GMIP: variants seen among roughly 807,000 people sequenced by gnomAD.
The protein encoded by GMIP is GEM-interacting protein.
Under a neutral mutation model 105.3 loss-of-function variants are expected in GMIP, and 54 were observed. That is an observed-to-expected ratio of 0.51 (90% CI 0.41 to 0.64). The LOEUF is 0.64. GMIP is among the 30% of genes least tolerant of loss of function. The pLI, the probability that GMIP is intolerant of heterozygous loss-of-function variation, is 0.00. For synonymous variants in GMIP, 541 were observed against 560.8 expected (o/e 0.96, Z 0.50); for missense variants, 1,110 against 1,319.4 (o/e 0.84, Z 2.46).
rs1235711124 is a variant in GMIP at position 19,633,918 on chromosome 19, G to A, written c.2357C>T (p.Pro786Leu). Reference sequence around the variant, plus strand: ...GTCTGGGTCAAGGTGCGGGGGTGGCGGTTGGGAGCTGGTTGTGAGGGGCCC... The same window carrying A: ...GTCTGGGTCAAGGTGCGGGGGTGGCAGTTGGGAGCTGGTTGTGAGGGGCCC... The part of the protein sequence containing the change: ...APGPLTTSSQ[P>L]PPPHLDPDSQ... Residue 786 changes from proline (P) to leucine (L), a missense_variant, in exon 19 of 21, where the codon CCG (proline) becomes CTG (leucine). Around this residue, in one of 3 missense-constraint regions of GMIP, gnomAD observed 394 missense variants for 450.5 expected, o/e 0.87. Coordinates refer to ENST00000203556, the MANE Select transcript of GMIP (RefSeq NM_016573.4). The A allele has an allele frequency of 1.5e-5, 23 of 1,542,004 alleles. No individual in the cohort carries two copies. Among genetic ancestry groups the A allele is most frequent in the East Asian group, 4.6e-5 (2 of 43,696 alleles).
intron 13 of GMIP, among the ~76,000 whole-genome samples, 197 bp downstream of exon 13, chr19:19,636,510 G>A (rs183526968): frequency 1.8e-4 from 28 of 152,296 alleles, no homozygotes; most frequent in African/African-American, 6.5e-4. Context: ...GCGACAGAAT[G>A]AGACTGTCTC....
intron 4 of GMIP, among the ~76,000 whole-genome samples, chr19:19,641,194 C>T (rs1464112042): frequency 6.6e-6 from 1 of 152,200 alleles, no homozygotes; most frequent in Non-Finnish European, 1.5e-5. Flanking sequence ...CATTCTCCTG[C>T]CTCAGCCTCC....
Position 19,635,816 on chromosome 19 carries a change from AGAGGTCAGGAGGGGG to A in GMIP, c.1328-110_1328-96del. On this transcript the variant is annotated intron_variant, in intron 13 of 20. Coordinates refer to ENST00000203556, the MANE Select transcript of GMIP (RefSeq NM_016573.4). The surrounding 1 kb of genome is among the most constrained non-coding windows in gnomAD (Gnocchi z 4.7). ...ACCACCCACTAATTCCCAAGGGGTC[AGAGGTCAGGAGGGGG>A]ATTGGACAGGTCAGTGGTTAAGGGT... 1.0e-6 allele frequency: 1 copy of A among 989,592 alleles called. No individual in the cohort carries two copies. Among genetic ancestry groups the A allele is most frequent in the Non-Finnish European group, 1.6e-6 (1 of 622,374 alleles). 61.3% of individuals were successfully genotyped at this position (989,592 alleles called of 1,614,324 possible). A position where few individuals can be genotyped will look rare whatever the true frequency, so the allele number is the denominator to read the frequency against.
intron 12 of GMIP, 54 bp from the exon 13 acceptor site, chr19:19,636,850 C>T: frequency 1.3e-6 from 2 of 1,563,298 alleles, no homozygotes; most frequent in Non-Finnish European, 8.8e-7. Flanking sequence ...CCCACTCCTG[C>T]AGCCCACCTA....
In GMIP at chr19:19,637,336, G is replaced by A. The variant is rs201582978; in HGVS notation, c.1124+29C>T. On this transcript the variant is annotated intron_variant, in intron 11 of 20. Transcript: ENST00000203556. This position sits in a 1 kb window ranked among gnomAD's most constrained non-coding sequence, Gnocchi z 6.7. ...GCCTGGCATCGCGATTCCGGGGCTC[G>A]TTCCCGACTCCCTGCTCCAGTGACC... 15 of 1,427,816 alleles carry A rather than the reference G, an allele frequency of 1.1e-5. No homozygotes were observed. The highest frequency in any genetic ancestry group is 1.3e-5 in the Non-Finnish European group (14 of 1,066,384). The allele number at this position is 1,427,816 out of a possible 1,614,324, so 88.4% of individuals were successfully genotyped here.
At chr19:19,632,458 C>T (rs762771632) in intron 19 of GMIP, among the ~76,000 whole-genome samples, 2 of 151,726 alleles carry the variant, frequency 1.3e-5, no homozygotes, top group Admixed American at 6.6e-5. Flanking sequence ...TGCTTGAACC[C>T]GGGAGGCGGA....
chr19:19,635,069 T>G lies in GMIP; in HGVS notation c.1705A>C (p.Thr569Pro), dbSNP rs767951734. 1.2e-6 allele frequency: 2 copies of G among 1,614,058 alleles called. No homozygotes were observed. Among genetic ancestry groups the G allele is most frequent in the East Asian group, 4.5e-5 (2 of 44,868 alleles). ...TGTTCTATCTCAGCCGTGCACTTCG[T>G]GACCACAAAGGGTACCTCCTCCGGG... ...DFPEEVPFVV[T>P]KCTAEIEHRA... The change falls in exon 16 of 21, where the codon ACG becomes CCG. Residue 569 changes from threonine to proline, a missense_variant. Thr to Pro is a conservative substitution (Grantham distance 38, BLOSUM62 -1). Around this residue, in one of 3 missense-constraint regions of GMIP, gnomAD observed 667 missense variants for 773.2 expected, o/e 0.86. Coordinates refer to ENST00000203556, the MANE Select transcript of GMIP (RefSeq NM_016573.4). This position sits in a 1 kb window ranked among gnomAD's most constrained non-coding sequence, Gnocchi z 4.7.
chr19:19,641,897 C>A (rs1470684585), intron 3 of GMIP, 30 bp from the exon 4 acceptor site: 1 of 1,611,820 alleles, frequency 6.2e-7, no homozygotes, highest in South Asian at 1.1e-5. Flanking sequence ...TATTCAGAAG[C>A]AAACAGGGCA....
Position 19,634,117 on chromosome 19 carries a change from G to A in GMIP, c.2158C>T (p.Arg720Trp), listed in dbSNP as rs371889238. 5.0e-6 allele frequency: 8 copies of A among 1,612,038 alleles called. No homozygotes were observed. The Admixed American group carries it at 5.0e-5, about 10-fold the overall frequency. Residue 720 changes from arginine to tryptophan, a missense_variant, in exon 19 of 21, where the codon CGG (arginine) becomes TGG (tryptophan). Coordinates refer to ENST00000203556, the MANE Select transcript of GMIP (RefSeq NM_016573.4). The surrounding 1 kb of genome is among the most constrained non-coding windows in gnomAD (Gnocchi z 6.1). ...LGIVFGPTLL[R>W]PPDGPRAASA... ...GCTGCCCGCGGGCCGTCCGGCGGCC[G>A]CAGCAGTGTCGGCCCAAACACAATG...
Position 19,638,034 on chromosome 19 carries a change from G to T in GMIP, c.813C>A (p.Tyr271Ter). ...CGTTGGCCTCGCGGACACAGGCCTG[G>T]TACAGCGCCTCGGCCTCCTGCGCCT... ...QAKAQEAEAL[Y>*]QACVREANAR... The change falls in exon 10 of 21, where the codon TAC becomes TAA. Residue 271 changes from tyrosine to a stop codon, truncating the protein, a stop_gained. Coordinates refer to ENST00000203556, the MANE Select transcript of GMIP (RefSeq NM_016573.4). LOFTEE classifies it high-confidence loss of function. 1 of 1,591,608 alleles carries T rather than the reference G, an allele frequency of 6.3e-7. No homozygotes were observed. The highest frequency in any genetic ancestry group is 8.5e-7 in the Non-Finnish European group (1 of 1,169,822).
chr19:19,639,945 G>T, intron 7 of GMIP, 140 bp downstream of exon 7: 1 of 609,542 alleles, frequency 1.6e-6, no homozygotes, highest in Non-Finnish European at 3.0e-6. Context: ...GCATCCCCGG[G>T]CCTCAGCTTC....
intron 2 of GMIP, 84 bp downstream of exon 2, chr19:19,642,451 C>A (rs2061932414): frequency 2.5e-6 from 2 of 802,722 alleles, no homozygotes; most frequent in South Asian, 1.4e-5. Flanking sequence ...GTTACAGGTT[C>A]CAAATGGGAC....
In GMIP at chr19:19,633,807, G is replaced by A. The variant is rs746039297; in HGVS notation, c.2468C>T (p.Thr823Ile). 6.8e-7 allele frequency: 1 copy of A among 1,462,298 alleles called. No individual in the cohort carries two copies. The highest frequency in any genetic ancestry group is 1.5e-5 in the South Asian group (1 of 64,558). 90.6% of individuals were successfully genotyped at this position (1,462,298 alleles called of 1,614,324 possible). Residue 823 changes from threonine (T) to isoleucine (I), a missense_variant, in exon 19 of 21, where the codon ACC becomes ATC. By Grantham distance (89) the Thr-to-Ile change is moderately conservative. Around this residue, in one of 3 missense-constraint regions of GMIP, gnomAD observed 394 missense variants for 450.5 expected, o/e 0.87. Coordinates refer to ENST00000203556, the MANE Select transcript of GMIP (RefSeq NM_016573.4). Reference sequence around the variant, plus strand: ...GTGGGCCCAGTGGGTTCTTACCTCGGTAGGTGTGGCCGTGGGATGCTGCTC... The same window carrying A: ...GTGGGCCCAGTGGGTTCTTACCTCGATAGGTGTGGCCGTGGGATGCTGCTC... ...TLEQHPTATP[T>I]EIPTPQSDQR...
chr19:19,635,743 G>A lies in GMIP; in HGVS notation c.1328-22C>T. ...GCGCCTGGGGTCAGAGGAATCATGG[G>A]AGATTCCTGGGCTATGGGAGGCACT... On this transcript the variant is annotated intron_variant, in intron 13 of 20. Transcript: ENST00000203556. The surrounding 1 kb of genome is among the most constrained non-coding windows in gnomAD (Gnocchi z 4.7). The A allele has an allele frequency of 1.3e-6, 2 of 1,598,348 alleles. No individual in the cohort carries two copies. The highest frequency in any genetic ancestry group is 1.7e-6 in the Non-Finnish European group (2 of 1,165,766).
At chr19:19,642,483 G>A (rs7248885) in intron 2 of GMIP, 52 bp downstream of exon 2, 441,237 of 1,134,724 alleles carry the variant, frequency 0.39, 87,380 homozygotes, top group South Asian at 0.42. Context: ...TAAATGGTTA[G>A]GGGCTTGGGG....
Position 19,630,556 on chromosome 19 carries a change from G to A in GMIP, c.2473-19C>T, listed in dbSNP as rs1568409908. 7.5e-6 allele frequency: 12 copies of A among 1,600,684 alleles called. No individual in the cohort carries two copies. Among genetic ancestry groups the A allele is most frequent in the Non-Finnish European group, 1.0e-5 (12 of 1,167,898 alleles). On this transcript the variant is annotated intron_variant, in intron 19 of 20. Transcript: ENST00000203556. This position sits in a 1 kb window ranked among gnomAD's most constrained non-coding sequence, Gnocchi z 4.8. Reference sequence around the variant, plus strand: ...TTGGAATCTGCAGGGAGAAACCCAAGAATGAGACCCCAACACTAAAATCCC... The same window carrying A: ...TTGGAATCTGCAGGGAGAAACCCAAAAATGAGACCCCAACACTAAAATCCC...
chr19:19,640,670 C>T (rs1362140794), intron 4 of GMIP, 99 bp from the exon 5 acceptor site: 25 of 1,176,106 alleles, frequency 2.1e-5, no homozygotes, highest in East Asian at 4.7e-5. Flanking sequence ...GTCCTACAGC[C>T]TCACAGCTCC....
rs368641427 is a variant in GMIP at position 19,642,031 on chromosome 19, C to T, written c.125G>A (p.Gly42Glu). 1.2e-5 allele frequency: 19 copies of T among 1,613,226 alleles called. No homozygotes were observed. The African/African-American group carries it at 2.5e-4, about 22-fold the overall frequency. The change falls in exon 3 of 21, where the codon GGA (glycine) becomes GAA (glutamate). Residue 42 changes from glycine (G) to glutamate (E), a missense_variant. Gly to Glu is a moderately conservative substitution (Grantham distance 98). Around this residue, in one of 3 missense-constraint regions of GMIP, gnomAD observed 667 missense variants for 773.2 expected, o/e 0.86. Coordinates refer to ENST00000203556, the MANE Select transcript of GMIP (RefSeq NM_016573.4). ...TGGGTCTTCTGAGAGTAGAGGGTCTCCAGCCAGCATCTCAAGGGTCCTGGG... is the reference window on the plus strand; with the variant it reads ...TGGGTCTTCTGAGAGTAGAGGGTCTTCAGCCAGCATCTCAAGGGTCCTGGG... ...LGNVTLEMLA[G>E]DPLLSEDPEP... is the part of the protein sequence containing the mutation.
chr19:19,640,617 A>G, intron 4 of GMIP, 46 bp from the exon 5 acceptor site: 1 of 1,608,652 alleles, frequency 6.2e-7, no homozygotes, highest in Non-Finnish European at 8.5e-7. Flanking sequence ...CTAGTCTGCT[A>G]TGGATGTCTT....
Sources: allele counts gnomAD v4.1 joint callset (sites outside exome capture counted in the v4.1 genomes callset), GRCh38; gene constraint gnomAD v4.1.1; regional missense constraint gnomAD v4.1.1; non-coding constraint Gnocchi (gnomAD v3.1); transcripts MANE v1.5; gene names NCBI Gene and HGNC (gene_info 2026-07-23, HGNC 2026-07-21).